RELCH: variants seen among roughly 807,000 people sequenced by gnomAD.
RELCH encodes RAB11 binding and LisH domain, coiled-coil and HEAT repeat containing, also known as RAB11-binding protein RELCH.
A neutral mutation model predicts 150.3 loss-of-function variants in RELCH; 41 were observed. The ratio of observed to expected loss-of-function variants is 0.27; its 90% CI spans 0.21 to 0.35. The LOEUF is 0.35. RELCH is among the 10% of genes least tolerant of loss of function. The pLI, the probability that RELCH is intolerant of heterozygous loss-of-function variation, is 1.00. For synonymous variants in RELCH, 478 were observed against 531.8 expected (o/e 0.90, Z 1.39); for missense variants, 1,092 against 1,467.8 (o/e 0.74, Z 4.18).
chr18:62,277,539 A>C (rs1465752448), intron 22 of RELCH: 2 of 715,456 alleles, frequency 2.8e-6, no homozygotes, highest in African/African-American at 3.8e-5. Flanking sequence ...TAAAAAAGTT[A>C]ATTCAAAATA....
At chr18:62,190,438 G>T (rs7242457) in intron 1 of RELCH, among the ~76,000 whole-genome samples, 1,702 of 151,978 alleles carry the variant, frequency 0.011, 38 homozygotes, top group African/African-American at 0.039. Flanking sequence ...TTAGCTAGGC[G>T]TGGTGGTGGG....
rs1417782913 is a variant in RELCH, at chr18:62,291,530, A to G, written c.3371-13A>G. ...TTGGTTTTGTTTAATTCCCTTAACT[A>G]CCTTGTCCCAAGTCATTTCAGAGGA... On this transcript the variant is annotated splice_polypyrimidine_tract_variant and intron_variant, in intron 26 of 28. Coordinates refer to ENST00000644646, the MANE Select transcript of RELCH (RefSeq NM_001346231.2). 1.3e-6 allele frequency: 2 copies of G among 1,572,976 alleles called. No homozygotes were observed. Among genetic ancestry groups the G allele is most frequent in the Admixed American group, 3.5e-5 (2 of 57,380 alleles).
At position 62,275,471 on chromosome 18, in the gene RELCH, G is replaced by C; in HGVS notation, c.2965G>C (p.Glu989Gln). ...LVRCTAARMF[E>Q]LLVKGVNETL... ...GAGGTGTACTGCTGCTAGAATGTTT[G>C]AGGTATGTCAACACATGCCTCTGTT... Residue 989 changes from glutamate (E) to glutamine (Q), a missense_variant and splice_region_variant, in exon 22 of 29, where the codon GAG becomes CAG. Glu to Gln is a conservative substitution (Grantham distance 29, BLOSUM62 2). Around this residue, in one of 4 missense-constraint regions of RELCH, gnomAD observed 707 missense variants for 1,025.4 expected, o/e 0.69. Coordinates refer to ENST00000644646, the MANE Select transcript of RELCH (RefSeq NM_001346231.2). The C allele has an allele frequency of 1.9e-6, 3 of 1,592,140 alleles. No individual in the cohort carries two copies. Among genetic ancestry groups the C allele is most frequent in the Non-Finnish European group, 2.6e-6 (3 of 1,162,146 alleles).
At chr18:62,237,286 A>G (rs1051194153) in intron 10 of RELCH, among the ~76,000 whole-genome samples, 10 of 151,756 alleles carry the variant, frequency 6.6e-5, no homozygotes, top group African/African-American at 1.9e-4. Context: ...TGTTCTGTAT[A>G]ATTTTATTAG....
At chr18:62,260,833 G>T (rs1293624594) in intron 15 of RELCH, among the ~76,000 whole-genome samples, 1 of 151,854 alleles carries the variant, frequency 6.6e-6, no homozygotes, top group Non-Finnish European at 1.5e-5. Flanking sequence ...GACAAATATT[G>T]AATGTTCTCA....
At chr18:62,250,958 T>C (rs1387665977) in intron 11 of RELCH, among the ~76,000 whole-genome samples, 2 of 152,232 alleles carry the variant, frequency 1.3e-5, no homozygotes, top group East Asian at 1.9e-4. Context: ...CATCAGGTTT[T>C]ACTGTTTTAA....
chr18:62,291,455 G>A, intron 26 of RELCH, 88 bp from the exon 27 acceptor site: 1 of 673,536 alleles, frequency 1.5e-6, no homozygotes, highest in South Asian at 2.0e-5. Context: ...GATATAAGAA[G>A]GCTTCTCTTT....
At chr18:62,284,107 T>G (rs1310769490) in intron 25 of RELCH, 1 of 152,254 alleles carries the variant, frequency 6.6e-6, no homozygotes, top group African/African-American at 2.4e-5. Context: ...TTTTGTTGAT[T>G]CTTCGGAATC....
intron 17 of RELCH, 92 bp from the exon 18 acceptor site, chr18:62,264,637 C>G (rs2144727180): frequency 1.1e-6 from 1 of 929,432 alleles, no homozygotes; most frequent in East Asian, 2.5e-5. Context: ...CGAAATAGAA[C>G]AGGTTATTAG....
At chr18:62,280,273 T>A in intron 23 of RELCH, 1 of 1,061,410 alleles carries the variant, frequency 9.4e-7, no homozygotes, top group Middle Eastern at 2.0e-4. Context: ...GGCCAATGAG[T>A]CTGCCTGCCC....
chr18:62,281,002 G>A (rs1287058274), intron 24 of RELCH, among the ~76,000 whole-genome samples: 1 of 152,050 alleles, frequency 6.6e-6, no homozygotes, highest in Admixed American at 6.6e-5. Context: ...TTTCTGATTG[G>A]GCCAGTAAAG....
chr18:62,227,687 A>G lies in RELCH; in HGVS notation c.1152A>G (p.Lys384=). Residue 384 remains lysine, a splice_region_variant and synonymous_variant, in exon 7 of 29, where the codon AAA becomes AAG. Transcript: ENST00000644646. The stretch of plus-strand genomic sequence containing the variant: ...TGATGGAGCAAATCAGAAGACTTAA[A>G]AGGTTAGTACTTGATCATTATTCCT... ...WSLMEQIRRL[K]SEMDFLKNEH... The G allele has an allele frequency of 1.3e-6, 2 of 1,483,754 alleles. No individual in the cohort carries two copies. The highest frequency in any genetic ancestry group is 9.3e-7 in the Non-Finnish European group (1 of 1,074,164). 91.9% of individuals were successfully genotyped at this position (1,483,754 alleles called of 1,614,324 possible).
Position 62,264,031 on chromosome 18 carries a change from C to A in RELCH, c.2393C>A (p.Ser798Tyr). 1 of 1,609,092 alleles carries A rather than the reference C, an allele frequency of 6.2e-7. No homozygotes were observed. ...PRPMSPLQDV[S>Y]TIIGSREQLA... ...CCTATGTCGCCTCTTCAAGATGTGT[C>A]CACTATTATCGGAAGTCGTGAGCAA... The change falls in exon 17 of 29, where the codon TCC (serine) becomes TAC (tyrosine). Residue 798 changes from serine to tyrosine, a missense_variant. Coordinates refer to ENST00000644646, the MANE Select transcript of RELCH (RefSeq NM_001346231.2).
chr18:62,278,164 A>C (rs761881778), intron 22 of RELCH, among the ~76,000 whole-genome samples: 3 of 152,158 alleles, frequency 2.0e-5, no homozygotes, highest in African/African-American at 7.2e-5. Context: ...CCCTACACCA[A>C]TGAAAAATTA....
At chr18:62,279,049 A>G (rs2044363668) in intron 22 of RELCH, among the ~76,000 whole-genome samples, 1 of 152,178 alleles carries the variant, frequency 6.6e-6, no homozygotes, top group African/African-American at 2.4e-5. Flanking sequence ...GCAAATTCAT[A>G]GCACAACAGC....
rs1276756522 is a variant in RELCH, at chr18:62,291,524, T to G, written c.3371-19T>G. On this transcript the variant is annotated intron_variant, in intron 26 of 28. Coordinates refer to ENST00000644646, the MANE Select transcript of RELCH (RefSeq NM_001346231.2). ...ACCAATTTGGTTTTGTTTAATTCCCTTAACTACCTTGTCCCAAGTCATTTC... is the reference window on the plus strand; with the variant it reads ...ACCAATTTGGTTTTGTTTAATTCCCGTAACTACCTTGTCCCAAGTCATTTC... The G allele has an allele frequency of 6.4e-7, 1 of 1,550,510 alleles. No individual in the cohort carries two copies. Among genetic ancestry groups the G allele is most frequent in the East Asian group, 2.3e-5 (1 of 43,606 alleles).
chr18:62,267,371 T>C (rs563738063), intron 19 of RELCH, among the ~76,000 whole-genome samples: 12 of 151,658 alleles, frequency 7.9e-5, no homozygotes, highest in African/African-American at 2.4e-4. Flanking sequence ...ATTTTTAATT[T>C]GGTTGATTTT....
intron 22 of RELCH, among the ~76,000 whole-genome samples, chr18:62,278,304 A>G (rs2044324856): frequency 6.6e-6 from 1 of 152,152 alleles, no homozygotes; most frequent in Non-Finnish European, 1.5e-5. Flanking sequence ...TTTATTTAAC[A>G]ATATTTGAAC....
At position 62,268,085 on chromosome 18, in the gene RELCH, A is replaced by G. The variant is rs375337695; in HGVS notation, c.2681-784A>G. Among the ~76,000 whole-genome samples the G allele has an allele frequency of 1.9e-4, 29 of 152,200 alleles. 1 individual carries two copies. In the South Asian group the frequency reaches 6.0e-3, roughly 32 times the overall value. ...CAATTTCTTTATGTAGTACCCTCAG[A>G]AAATAATTTAAAGCCATATAAAAAA... is the stretch of plus-strand genomic sequence containing the variant. On this transcript the variant is annotated intron_variant, in intron 19 of 28. Transcript: ENST00000644646.
Sources: allele counts gnomAD v4.1 joint callset (sites outside exome capture counted in the v4.1 genomes callset), GRCh38; gene constraint gnomAD v4.1.1; regional missense constraint gnomAD v4.1.1; transcripts MANE v1.5; gene names NCBI Gene and HGNC (gene_info 2026-07-23, HGNC 2026-07-21).